The following ELAVL2 variants were observed in gnomAD, a reference collection of about 807,000 sequenced individuals.
ELAVL2 encodes ELAV like RNA binding protein 2.
ELAVL2 carries 4 observed loss-of-function variants against 34.6 expected under a neutral mutation model. That is an observed-to-expected ratio of 0.12 (90% CI 0.06 to 0.26). The LOEUF is 0.26. Among genes scored for constraint, ELAVL2 ranks in the 10% least tolerant of loss-of-function variants. ELAVL2 has a pLI of 1.00. For synonymous variants in ELAVL2, 193 were observed against 154.8 expected (o/e 1.25, Z -1.83); for missense variants, 432 against 442.8 (o/e 0.98, Z 0.22).
At chr9:23,800,060 T>G (rs2061400811) in intron 1 of ELAVL2, among the ~76,000 whole-genome samples, 1 of 152,186 alleles carries the variant, frequency 6.6e-6, no homozygotes, top group Non-Finnish European at 1.5e-5. Flanking sequence ...AGTCCAATAT[T>G]TCTCCTAAAA....
At chr9:23,834,088 A>G in the ELAVL2 span, among the ~76,000 whole-genome samples, 2 of 151,990 alleles carry the variant, frequency 1.3e-5, no homozygotes, top group African/African-American at 4.8e-5. Flanking sequence ...ATTAGATTAG[A>G]GACAATAAAT....
At chr9:23,793,747 A>C (rs559870957) in intron 1 of ELAVL2, among the ~76,000 whole-genome samples, 1 of 152,266 alleles carries the variant, frequency 6.6e-6, no homozygotes, top group East Asian at 1.9e-4. Context: ...CTTGATTTTT[A>C]CATGCCCCCA....
chr9:23,791,235 T>C (rs957719577), intron 1 of ELAVL2, among the ~76,000 whole-genome samples: 14 of 152,142 alleles, frequency 9.2e-5, no homozygotes, highest in Admixed American at 8.5e-4. Flanking sequence ...AAACGGCAAA[T>C]GCTAATCGCA....
intron 1 of ELAVL2, among the ~76,000 whole-genome samples, chr9:23,781,927 G>A (rs972914299): frequency 1.3e-5 from 2 of 151,920 alleles, no homozygotes; most frequent in African/African-American, 2.4e-5. Context: ...CTCGTGAGCC[G>A]CCCGCCTCGG....
At chr9:23,722,613 T>C (rs1279461865) in intron 3 of ELAVL2, among the ~76,000 whole-genome samples, 1 of 152,208 alleles carries the variant, frequency 6.6e-6, no homozygotes, top group Admixed American at 6.5e-5. Context: ...GAGTGGTATC[T>C]GAGCAAAACA....
chr9:23,810,204 T>C (rs1293874245), intron 1 of ELAVL2, among the ~76,000 whole-genome samples: 3 of 152,018 alleles, frequency 2.0e-5, no homozygotes, highest in African/African-American at 4.8e-5. Context: ...AACCAATCCA[T>C]ACTTTGTATG....
At chr9:23,767,226 T>A (rs1239061806) in intron 1 of ELAVL2, among the ~76,000 whole-genome samples, 1 of 152,202 alleles carries the variant, frequency 6.6e-6, no homozygotes, top group Non-Finnish European at 1.5e-5. Context: ...ACTTTTTATT[T>A]AAATAATCCT....
intron 2 of ELAVL2, among the ~76,000 whole-genome samples, chr9:23,742,770 A>AT (rs936283097): frequency 1.3e-5 from 2 of 152,120 alleles, no homozygotes; most frequent in Non-Finnish European, 2.9e-5. Flanking sequence ...AAATAACGTG[A>AT]TTTTTCTTCT....
At chr9:23,832,636 G>A in the ELAVL2 span, among the ~76,000 whole-genome samples, 1 of 152,054 alleles carries the variant, frequency 6.6e-6, no homozygotes, top group Non-Finnish European at 1.5e-5. Context: ...AAGATACATG[G>A]CATTTTCCAC....
In ELAVL2 at chr9:23,690,335, A is replaced by G. The variant is rs1160301687; in HGVS notation, c.*2222T>C. On this transcript the variant is annotated 3_prime_UTR_variant, in exon 7 of 7. Transcript: ENST00000397312. ...GCACAATTTGCATGCCCTCTCATCAATGCCTTGGTTTGCTACAGTAGTATA... is the reference window on the plus strand; with the variant it reads ...GCACAATTTGCATGCCCTCTCATCAGTGCCTTGGTTTGCTACAGTAGTATA... The G allele has an allele frequency of 1.3e-5, 2 of 152,640 alleles. No homozygotes were observed. Among genetic ancestry groups the G allele is most frequent in the Non-Finnish European group, 2.9e-5 (2 of 68,026 alleles). 9.5% of individuals were successfully genotyped at this position (152,640 alleles called of 1,614,324 possible).
chr9:23,733,188 A>G (rs568276985), intron 2 of ELAVL2, among the ~76,000 whole-genome samples: 1 of 151,236 alleles, frequency 6.6e-6, no homozygotes, highest in Non-Finnish European at 1.5e-5. Flanking sequence ...AAAAAAAAAA[A>G]AAAACTAAAA....
intron 1 of ELAVL2, among the ~76,000 whole-genome samples, chr9:23,762,498 T>C (rs1219691319): frequency 2.0e-5 from 3 of 152,124 alleles, no homozygotes; most frequent in African/African-American, 7.2e-5. Flanking sequence ...TCTTAAACAT[T>C]TTCTAGAATC....
chr9:23,812,241 G>A (rs2063110780), intron 1 of ELAVL2, among the ~76,000 whole-genome samples: 1 of 152,064 alleles, frequency 6.6e-6, no homozygotes, highest in African/African-American at 2.4e-5. Context: ...AGTAATTTGT[G>A]ATGAAACAAT....
intron 6 of ELAVL2, 77 bp from the exon 7 acceptor site, chr9:23,692,961 C>A: frequency 7.6e-7 from 1 of 1,313,324 alleles, no homozygotes; most frequent in Non-Finnish European, 1.0e-6. Flanking sequence ...TGAACGTATA[C>A]CTTTTCCATC....
At chr9:23,811,851 T>C (rs2063047264) in intron 1 of ELAVL2, among the ~76,000 whole-genome samples, 1 of 152,120 alleles carries the variant, frequency 6.6e-6, no homozygotes. Context: ...CACCTGTGAC[T>C]GAGCTCCTGG....
At chr9:23,782,621 G>GC (rs1483850656) in intron 1 of ELAVL2, among the ~76,000 whole-genome samples, 2 of 152,022 alleles carry the variant, frequency 1.3e-5, no homozygotes, top group African/African-American at 4.8e-5. Flanking sequence ...AAAAAACCAT[G>GC]CAAGAGCTTA....
chr9:23,716,916 A>G (rs16907644), intron 3 of ELAVL2, among the ~76,000 whole-genome samples: 1,942 of 152,308 alleles, frequency 0.013, 38 homozygotes, highest in African/African-American at 0.045. Context: ...AGTTGAGGGC[A>G]GAGTCTAGAG....
chr9:23,730,612 C>A (rs1432540837), intron 3 of ELAVL2, among the ~76,000 whole-genome samples: 1 of 152,084 alleles, frequency 6.6e-6, no homozygotes, highest in Admixed American at 6.6e-5. Flanking sequence ...GTGGCTATTA[C>A]TGCTTTCATA....
intron 3 of ELAVL2, among the ~76,000 whole-genome samples, chr9:23,715,995 G>A (rs2042196721): frequency 6.6e-6 from 1 of 152,154 alleles, no homozygotes; most frequent in South Asian, 2.1e-4. Context: ...AAAAGGAGAA[G>A]TGGATAAGAC....
Sources: allele counts gnomAD v4.1 joint callset (sites outside exome capture counted in the v4.1 genomes callset), GRCh38; gene constraint gnomAD v4.1.1; transcripts MANE v1.5; gene names NCBI Gene and HGNC (gene_info 2026-07-23, HGNC 2026-07-21).